ZNF138: variants seen among roughly 807,000 people sequenced by gnomAD.
ZNF138 encodes zinc finger protein 138 (clone pHZ-32).
ZNF138 carries 33 observed loss-of-function variants against 33.0 expected under a neutral mutation model. That is an observed-to-expected ratio of 1.00 (90% CI 0.76 to 1.34). The LOEUF (loss-of-function observed/expected upper bound fraction) is 1.34, where lower values mean the gene tolerates loss of function less well. Among genes scored for constraint, ZNF138 ranks in the 40% most tolerant of loss-of-function variants. The pLI, the probability that ZNF138 is intolerant of heterozygous loss-of-function variation, is 0.00. For missense variants in ZNF138, 360 were observed against 370.8 expected, an observed-to-expected ratio of 0.97 and a Z score of 0.24; for synonymous variants, 139 against 120.4, an observed-to-expected ratio of 1.15 and a Z score of -1.01.
In ZNF138 at chr7:64,833,492, G is replaced by C. The variant is rs1268486508; in HGVS notation, c.*1290G>C. ...TAATTCATACTGGCAGAAACTCCCAGAAGTGTGAAGAATATGGCAAAACTT... is the reference window on the plus strand; with the variant it reads ...TAATTCATACTGGCAGAAACTCCCACAAGTGTGAAGAATATGGCAAAACTT... On this transcript the variant is annotated 3_prime_UTR_variant, in exon 4 of 4. Coordinates refer to ENST00000307355, the MANE Select transcript of ZNF138 (RefSeq NM_001271639.2). The C allele has an allele frequency of 6.2e-6, 1 of 160,148 alleles. No individual in the cohort carries two copies. The highest frequency in any genetic ancestry group is 1.4e-5 in the Non-Finnish European group (1 of 73,332). 9.9% of individuals were successfully genotyped at this position (160,148 alleles called of 1,614,324 possible). A position where few individuals can be genotyped will look rare whatever the true frequency, so the allele number is the denominator to read the frequency against.
chr7:64,794,622 A>G, intron 1 of ZNF138, 51 bp downstream of exon 1: 1 of 1,612,228 alleles, frequency 6.2e-7, no homozygotes, highest in African/African-American at 1.3e-5. Flanking sequence ...AGCTGGTTGG[A>G]ACCGGTCGGA....
chr7:64,818,945 C>G (rs1424642070), intron 3 of ZNF138, among the ~76,000 whole-genome samples: 1 of 152,090 alleles, frequency 6.6e-6, no homozygotes. Context: ...ATATTACAAG[C>G]CAGATTTTAT....
At chr7:64,810,007 C>G (rs1288509768) in intron 1 of ZNF138, among the ~76,000 whole-genome samples, 1 of 97,576 alleles carries the variant, frequency 1.0e-5, no homozygotes, top group Non-Finnish European at 2.1e-5. Context: ...CCTCACATCC[C>G]AGATGATGGG....
chr7:64,805,411 C>CAAAAAAA (rs372794890), intron 1 of ZNF138, among the ~76,000 whole-genome samples: 25 of 127,038 alleles, frequency 2.0e-4, no homozygotes, highest in East Asian at 2.4e-4. Context: ...AAAAACAAAA[C>CAAAAAAA]AAAAAAAAAA....
chr7:64,824,570 T>G (rs1040979530), intron 3 of ZNF138, among the ~76,000 whole-genome samples: 1 of 152,242 alleles, frequency 6.6e-6, no homozygotes, highest in Non-Finnish European at 1.5e-5. Context: ...CTGCAATTAT[T>G]ATGTTGCTAT....
the ZNF138 span, among the ~76,000 whole-genome samples, chr7:64,857,840 G>C: frequency 6.6e-6 from 1 of 152,170 alleles, no homozygotes; most frequent in Non-Finnish European, 1.5e-5. Context: ...CAGGTGGCCT[G>C]TTTCCCACTG....
intron 1 of ZNF138, among the ~76,000 whole-genome samples, chr7:64,809,841 C>T (rs1418105898): frequency 8.2e-6 from 1 of 121,502 alleles, no homozygotes; most frequent in African/African-American, 3.2e-5. Context: ...CAGAGGCGCT[C>T]CCCACATCTC....
intron 3 of ZNF138, among the ~76,000 whole-genome samples, chr7:64,829,390 C>T (rs1229508939): frequency 6.6e-6 from 1 of 151,032 alleles, no homozygotes; most frequent in Non-Finnish European, 1.5e-5. Context: ...GATACACAAA[C>T]TCAAACACAC....
chr7:64,830,274 C>A (rs1789978367), intron 3 of ZNF138, among the ~76,000 whole-genome samples: 1 of 151,626 alleles, frequency 6.6e-6, no homozygotes, highest in South Asian at 2.1e-4. Context: ...GTTTGTTGAG[C>A]CTTTTCATTT....
At chr7:64,854,064 C>A in the ZNF138 span, among the ~76,000 whole-genome samples, 1 of 151,854 alleles carries the variant, frequency 6.6e-6, no homozygotes, top group African/African-American at 2.4e-5. Context: ...TTTTCACACT[C>A]ACTTTTAATA....
chr7:64,817,001 T>A (rs1201914908), intron 3 of ZNF138, among the ~76,000 whole-genome samples: 1 of 152,212 alleles, frequency 6.6e-6, no homozygotes, highest in Non-Finnish European at 1.5e-5. Flanking sequence ...CCTTCAGCAC[T>A]TTGCTCTGTA....
At chr7:64,840,102 A>G in the ZNF138 span, among the ~76,000 whole-genome samples, 1 of 152,090 alleles carries the variant, frequency 6.6e-6, no homozygotes, top group Non-Finnish European at 1.5e-5. Context: ...GGAAATGCTG[A>G]GTCGGGGTAT....
At chr7:64,802,099 A>G (rs556951660) in intron 1 of ZNF138, among the ~76,000 whole-genome samples, 21 of 152,348 alleles carry the variant, frequency 1.4e-4, no homozygotes, top group Non-Finnish European at 2.9e-4. Flanking sequence ...CATCAATGAA[A>G]TACATTTAAG....
downstream of ZNF138, among the ~76,000 whole-genome samples, chr7:64,838,127 G>A (rs1470441915): frequency 2.0e-5 from 3 of 147,174 alleles, no homozygotes; most frequent in Non-Finnish European, 4.6e-5. Context: ...CCCTGGGCTC[G>A]GCAAGGGTGA....
the ZNF138 span, among the ~76,000 whole-genome samples, chr7:64,858,836 C>A: frequency 3.3e-5 from 5 of 152,276 alleles, no homozygotes; most frequent in South Asian, 1.0e-3. Context: ...TTTTTAAGGG[C>A]TGAATAGCAT....
chr7:64,858,164 A>C, the ZNF138 span, among the ~76,000 whole-genome samples: 2 of 151,662 alleles, frequency 1.3e-5, no homozygotes, highest in African/African-American at 4.8e-5. Flanking sequence ...GTTTTGCTTA[A>C]AATACATTAG....
In ZNF138 at chr7:64,815,558, T is replaced by G; in HGVS notation, c.131-18T>G. 6.2e-7 allele frequency: 1 copy of G among 1,602,650 alleles called. No homozygotes were observed. On this transcript the variant is annotated intron_variant, in intron 2 of 3. Coordinates refer to ENST00000307355, the MANE Select transcript of ZNF138 (RefSeq NM_001271639.2). ...TTACTTATTTTTAATAAAACAAGTA[T>G]TGCTATCTCTAAGCCAGACCTGATT...
At chr7:64,794,791 G>A (rs1159876546) in intron 1 of ZNF138, among the ~76,000 whole-genome samples, 1 of 152,166 alleles carries the variant, frequency 6.6e-6, no homozygotes, top group East Asian at 1.9e-4. Context: ...CGCAGTGACT[G>A]TGCCCTGGCC....
chr7:64,835,878 G>A (rs1032749402), downstream of ZNF138: 2 of 152,200 alleles, frequency 1.3e-5, no homozygotes, highest in Non-Finnish European at 2.9e-5. Context: ...CTAGTACTAA[G>A]GGTAGGAAAA....
Sources: allele counts gnomAD v4.1 joint callset (sites outside exome capture counted in the v4.1 genomes callset), GRCh38; gene constraint gnomAD v4.1.1; transcripts MANE v1.5; gene names NCBI Gene and HGNC (gene_info 2026-07-23, HGNC 2026-07-21).